Variants in KCNN2 observed in about 807,000 individuals in gnomAD.
KCNN2 encodes potassium calcium-activated channel subfamily N member 2.
A neutral mutation model predicts 55.5 loss-of-function variants in KCNN2; 24 were observed. That is an observed-to-expected ratio of 0.43 (90% confidence interval 0.31 to 0.61). KCNN2 has a LOEUF of 0.61. KCNN2 is among the 20% of genes least tolerant of loss of function. The pLI is 0.08. For missense variants in KCNN2, 754 were observed against 853.6 expected (o/e 0.88, Z 1.45); for synonymous variants, 431 against 336.1 (o/e 1.28, Z -3.09).
chr5:114,190,160 C>T (rs575724380), intron 1 of KCNN2, among the ~76,000 whole-genome samples: 2 of 152,066 alleles, frequency 1.3e-5, no homozygotes, highest in Admixed American at 6.5e-5. Flanking sequence ...CTAATCACTT[C>T]GACATATCAA....
chr5:114,229,560 G>C (rs1245021571), intron 2 of KCNN2, among the ~76,000 whole-genome samples: 2 of 151,878 alleles, frequency 1.3e-5, no homozygotes, highest in African/African-American at 4.8e-5. Context: ...ACATATCAGA[G>C]TACCAGGTTC....
intron 1 of KCNN2, among the ~76,000 whole-genome samples, chr5:114,063,272 T>G (rs1482614740): frequency 6.6e-6 from 1 of 152,232 alleles, no homozygotes; most frequent in Non-Finnish European, 1.5e-5. Flanking sequence ...GAGGCTGCTC[T>G]TTGACAGGGC....
At chr5:114,282,691 T>C (rs1023803210) in intron 2 of KCNN2, among the ~76,000 whole-genome samples, 4 of 152,138 alleles carry the variant, frequency 2.6e-5, no homozygotes, top group Non-Finnish European at 5.9e-5. Context: ...TATCATAAAA[T>C]AAGGAAAGAT....
intron 3 of KCNN2, 122 bp from the exon 4 acceptor site, chr5:114,462,927 A>C: frequency 1.1e-6 from 1 of 931,242 alleles, no homozygotes; most frequent in Non-Finnish European, 1.6e-6. Flanking sequence ...ACAAGCTTTG[A>C]AAACTTCTAA....
chr5:114,090,996 G>A (rs917029291), intron 1 of KCNN2, among the ~76,000 whole-genome samples: 2 of 152,124 alleles, frequency 1.3e-5, no homozygotes, highest in Non-Finnish European at 2.9e-5. Context: ...TACCATGCCC[G>A]GCTAATTTTA....
At chr5:114,443,800 C>G (rs1760302605) in intron 3 of KCNN2, among the ~76,000 whole-genome samples, 1 of 152,140 alleles carries the variant, frequency 6.6e-6, no homozygotes, top group Admixed American at 6.5e-5. Context: ...TACTAAGAAG[C>G]AGCCTGAACG....
chr5:114,352,029 C>T (rs1163872180), intron 2 of KCNN2, among the ~76,000 whole-genome samples: 1 of 151,690 alleles, frequency 6.6e-6, no homozygotes, highest in Non-Finnish European at 1.5e-5. Flanking sequence ...AAGTATACTA[C>T]AGATTCACCA....
intron 1 of KCNN2, among the ~76,000 whole-genome samples, chr5:114,215,178 G>GC (rs1272507300): frequency 6.6e-6 from 1 of 152,110 alleles, no homozygotes; most frequent in Non-Finnish European, 1.5e-5. Flanking sequence ...TGTATAGGAA[G>GC]CCAGCAAGAT....
chr5:114,217,380 A>T (rs948628191), intron 1 of KCNN2, among the ~76,000 whole-genome samples: 1 of 152,166 alleles, frequency 6.6e-6, no homozygotes, highest in African/African-American at 2.4e-5. Flanking sequence ...ATAATCAAGT[A>T]TTTGCAAAAA....
intron 2 of KCNN2, among the ~76,000 whole-genome samples, chr5:114,393,018 T>C (rs115119508): frequency 2.0e-5 from 3 of 152,146 alleles, no homozygotes; most frequent in Non-Finnish European, 4.4e-5. Flanking sequence ...TACTGTTCCA[T>C]GATGGAGCCT....
chr5:114,222,487 T>C (rs1313486859), intron 2 of KCNN2, among the ~76,000 whole-genome samples: 3 of 152,294 alleles, frequency 2.0e-5, no homozygotes, highest in East Asian at 3.9e-4. Context: ...CATGAAGTCA[T>C]TAGGGGATTG....
At chr5:114,378,281 T>C (rs1300060246) in intron 2 of KCNN2, among the ~76,000 whole-genome samples, 1 of 152,250 alleles carries the variant, frequency 6.6e-6, no homozygotes, top group African/African-American at 2.4e-5. Context: ...ACAGAGGCCA[T>C]GTGGCTGGCA....
At chr5:114,076,489 A>C (rs1273631863) in intron 1 of KCNN2, among the ~76,000 whole-genome samples, 1 of 152,194 alleles carries the variant, frequency 6.6e-6, no homozygotes, top group Admixed American at 6.5e-5. Context: ...TCAACTCTTC[A>C]TTTTATAAAA....
At chr5:114,344,644 G>T (rs1757076493) in intron 2 of KCNN2, among the ~76,000 whole-genome samples, 1 of 152,092 alleles carries the variant, frequency 6.6e-6, no homozygotes, top group Admixed American at 6.5e-5. Context: ...CACCTCTTTA[G>T]CCCAAACTAT....
At chr5:114,349,125 G>T (rs1477996814) in intron 2 of KCNN2, among the ~76,000 whole-genome samples, 3 of 151,958 alleles carry the variant, frequency 2.0e-5, no homozygotes, top group Admixed American at 6.6e-5. Flanking sequence ...CTTTAGCTTT[G>T]CCTATTCTGG....
chr5:114,272,413 C>CAGA (rs77230453), intron 2 of KCNN2, among the ~76,000 whole-genome samples: 1 of 23,286 alleles, frequency 4.3e-5, no homozygotes, highest in African/African-American at 7.1e-5. Context: ...ATGTACATAT[C>CAGA]TACACACATA....
intron 1 of KCNN2, among the ~76,000 whole-genome samples, chr5:114,192,530 C>T (rs1309881300): frequency 6.6e-6 from 1 of 152,038 alleles, no homozygotes; most frequent in African/African-American, 2.4e-5. Flanking sequence ...CTTGGGGTAG[C>T]TGGATTAAAG....
At chr5:114,279,570 G>T (rs138741037) in intron 2 of KCNN2, among the ~76,000 whole-genome samples, 5,492 of 152,206 alleles carry the variant, frequency 0.036, 116 homozygotes, top group Non-Finnish European at 0.052. Flanking sequence ...CTGTCCTTGC[G>T]ATAGTTTGCT....
At chr5:114,189,679 C>T (rs1753411567) in intron 1 of KCNN2, among the ~76,000 whole-genome samples, 1 of 152,182 alleles carries the variant, frequency 6.6e-6, no homozygotes, top group South Asian at 2.1e-4. Context: ...ATTCTCACAG[C>T]ATCCTATGAA....
Sources: gnomAD v4.1 joint callset for allele counts (sites outside exome capture counted in the v4.1 genomes callset) on GRCh38, gnomAD v4.1.1 for gene constraint, MANE v1.5 for transcripts, NCBI Gene and HGNC (gene_info 2026-07-23, HGNC 2026-07-21) for gene names.